SHROOM3: variants seen among roughly 807,000 people sequenced by gnomAD.
The protein encoded by SHROOM3 is protein Shroom3.
SHROOM3 carries 47 observed loss-of-function variants against 138.6 expected under a neutral mutation model. The ratio of observed to expected loss-of-function variants is 0.34; its 90% CI spans 0.27 to 0.43. The LOEUF (loss-of-function observed/expected upper bound fraction) is 0.43, where lower values mean the gene tolerates loss of function less well. SHROOM3 is among the 20% of genes least tolerant of loss of function. The probability of loss-of-function intolerance (pLI) is 1.00; values close to 1 mark genes in which losing one functional copy is unlikely to be tolerated. For missense variants in SHROOM3, 2,491 were observed against 2,596.5 expected, an observed-to-expected ratio of 0.96 and a Z score of 0.88; for synonymous variants, 1,062 against 1,063.3, an observed-to-expected ratio of 1.00 and a Z score of 0.02.
At chr4:76,745,257 T>A (rs1440012196) in intron 5 of SHROOM3, among the ~76,000 whole-genome samples, 2 of 152,238 alleles carry the variant, frequency 1.3e-5, no homozygotes, top group Non-Finnish European at 2.9e-5. Context: ...CATTTCTGCC[T>A]TAGAGACAGA....
At chr4:76,750,222 A>C (rs1027915386) in intron 6 of SHROOM3, among the ~76,000 whole-genome samples, 2 of 152,174 alleles carry the variant, frequency 1.3e-5, no homozygotes, top group African/African-American at 2.4e-5. Flanking sequence ...GCTAGAGACA[A>C]GGGAAAACTA....
chr4:76,600,526 A>G (rs891335199), intron 2 of SHROOM3, among the ~76,000 whole-genome samples: 8 of 152,238 alleles, frequency 5.3e-5, no homozygotes, highest in Non-Finnish European at 7.3e-5. Context: ...TAATAATTCA[A>G]TAAAGCACAT....
intron 2 of SHROOM3, among the ~76,000 whole-genome samples, chr4:76,588,092 A>T (rs1194103683): frequency 6.6e-6 from 1 of 152,212 alleles, no homozygotes; most frequent in Non-Finnish European, 1.5e-5. Flanking sequence ...AAAAAGGTAC[A>T]GAAAGGAAGA....
At chr4:76,571,032 C>A (rs946909412) in intron 2 of SHROOM3, among the ~76,000 whole-genome samples, 1 of 152,188 alleles carries the variant, frequency 6.6e-6, no homozygotes, top group Admixed American at 6.5e-5. Context: ...TTACAGGAAT[C>A]ATTTTTGATT....
chr4:76,680,263 A>T (rs904537777), intron 2 of SHROOM3, among the ~76,000 whole-genome samples: 1 of 151,038 alleles, frequency 6.6e-6, no homozygotes, highest in Non-Finnish European at 1.5e-5. Context: ...GCCTCAGCCT[A>T]CCGAGTAGCT....
chr4:76,722,812 G>A (rs1720589548), intron 3 of SHROOM3, among the ~76,000 whole-genome samples: 1 of 151,878 alleles, frequency 6.6e-6, no homozygotes, highest in African/African-American at 2.4e-5. Flanking sequence ...GGGGGATATG[G>A]GGGTGTTTGA....
chr4:76,540,998 T>G (rs1461040248), intron 1 of SHROOM3, among the ~76,000 whole-genome samples: 1 of 152,212 alleles, frequency 6.6e-6, no homozygotes, highest in African/African-American at 2.4e-5. Context: ...ACTTGTAAAA[T>G]GCATGAAATA....
intron 1 of SHROOM3, among the ~76,000 whole-genome samples, chr4:76,440,194 T>A (rs752794490): frequency 1.3e-5 from 2 of 152,212 alleles, no homozygotes; most frequent in Non-Finnish European, 2.9e-5. Flanking sequence ...TTCCAAGAGA[T>A]CTACGTGTTC....
intron 3 of SHROOM3, among the ~76,000 whole-genome samples, chr4:76,729,670 C>CAA: frequency 6.6e-6 from 1 of 152,140 alleles, no homozygotes; most frequent in Non-Finnish European, 1.5e-5. Context: ...GGGGAAGTAA[C>CAA]TCACATAAGG....
intron 1 of SHROOM3, among the ~76,000 whole-genome samples, chr4:76,470,512 T>C (rs1002155755): frequency 6.6e-6 from 1 of 152,194 alleles, no homozygotes; most frequent in African/African-American, 2.4e-5. Flanking sequence ...ACAAGACTAA[T>C]TGTAATTTTT....
chr4:76,550,983 A>G (rs1283960637), intron 1 of SHROOM3, among the ~76,000 whole-genome samples: 1 of 151,636 alleles, frequency 6.6e-6, no homozygotes, highest in African/African-American at 2.4e-5. Context: ...TGAGCAGCAG[A>G]GAGAGAACCC....
chr4:76,466,033 G>A (rs144466637), intron 1 of SHROOM3, among the ~76,000 whole-genome samples: 79 of 152,264 alleles, frequency 5.2e-4, no homozygotes, highest in African/African-American at 1.7e-3. Context: ...CAGCATTTAC[G>A]TGTTTGTTGG....
Position 76,739,737 on chromosome 4 carries a change from G to A in SHROOM3, c.1564G>A (p.Gly522Arg). Residue 522 changes from glycine to arginine, a missense_variant, in exon 5 of 11, where the codon GGA (glycine) becomes AGA (arginine). Physicochemically the swap from Gly to Arg is moderately radical, Grantham distance 125 (BLOSUM62 -2). Around this residue, in one of 4 missense-constraint regions of SHROOM3, gnomAD observed 1,733 missense variants for 1,661.6 expected, o/e 1.04. Coordinates refer to ENST00000296043, the MANE Select transcript of SHROOM3 (RefSeq NM_020859.4). ...ATIDENGNQNGSGRPGFAFCQ... is the reference protein window; with the variant it reads ...ATIDENGNQNRSGRPGFAFCQ... ...CATTGATGAGAATGGGAACCAGAATGGATCTGGCAGGCCTGGGTTTGCCTT... is the reference window on the plus strand; with the variant it reads ...CATTGATGAGAATGGGAACCAGAATAGATCTGGCAGGCCTGGGTTTGCCTT... The A allele has an allele frequency of 6.2e-7, 1 of 1,614,226 alleles. No homozygotes were observed.
chr4:76,477,443 T>G (rs914071567), intron 1 of SHROOM3, among the ~76,000 whole-genome samples: 1 of 152,164 alleles, frequency 6.6e-6, no homozygotes, highest in Non-Finnish European at 1.5e-5. Context: ...CTCTTTCTGT[T>G]TTTGCCTGAA....
intron 2 of SHROOM3, among the ~76,000 whole-genome samples, chr4:76,705,947 A>C (rs2110115286): frequency 6.6e-6 from 1 of 152,300 alleles, no homozygotes; most frequent in South Asian, 2.1e-4. Context: ...CTAACCCCCT[A>C]GAGTCAAAAA....
chr4:76,683,027 C>G (rs1255201757), intron 2 of SHROOM3, among the ~76,000 whole-genome samples: 1 of 152,164 alleles, frequency 6.6e-6, no homozygotes, highest in African/African-American at 2.4e-5. Flanking sequence ...AATTTCACAG[C>G]TTTCCATTAA....
intron 4 of SHROOM3, among the ~76,000 whole-genome samples, chr4:76,733,784 G>A (rs1578003096): frequency 2.0e-5 from 3 of 152,140 alleles, no homozygotes; most frequent in South Asian, 2.1e-4. Flanking sequence ...AGAAGCAGGC[G>A]TAAGAGGGGG....
chr4:76,671,429 C>T (rs1039944975), intron 2 of SHROOM3, among the ~76,000 whole-genome samples: 4 of 152,186 alleles, frequency 2.6e-5, no homozygotes, highest in Admixed American at 6.5e-5. Context: ...TATCTGGAGC[C>T]GGCCAGGCCT....
intron 2 of SHROOM3, among the ~76,000 whole-genome samples, chr4:76,634,770 T>G (rs751598680): frequency 7.9e-5 from 12 of 152,184 alleles, no homozygotes; most frequent in Non-Finnish European, 1.6e-4. Flanking sequence ...TAAAAATAAC[T>G]GTATTTTATT....
Sources: gnomAD v4.1 joint callset for allele counts (sites outside exome capture counted in the v4.1 genomes callset) on GRCh38, gnomAD v4.1.1 for gene constraint, gnomAD v4.1.1 regional missense constraint, MANE v1.5 for transcripts, NCBI Gene and HGNC (gene_info 2026-07-23, HGNC 2026-07-21) for gene names.